Variants in P2RX5 observed in about 807,000 individuals in gnomAD.
P2RX5 encodes the protein purinergic receptor P2X 5, also known as P2X purinoceptor 5.
Under a neutral mutation model 54.1 loss-of-function variants are expected in P2RX5, and 46 were observed. The ratio of observed to expected loss-of-function variants is 0.85; its 90% CI spans 0.67 to 1.09. The LOEUF (loss-of-function observed/expected upper bound fraction) is 1.09. Ranked by LOEUF, P2RX5 falls within the 50% of genes least tolerant of loss-of-function variation. The pLI is 0.00. For synonymous variants in P2RX5, 226 were observed against 226.4 expected, an observed-to-expected ratio of 1.00 and a Z score of 0.02; for missense variants, 566 against 549.8, an observed-to-expected ratio of 1.03 and a Z score of -0.29.
chr17:3,723,834 A>G, the P2RX5 span: 115 of 1,549,710 alleles, frequency 7.4e-5, no homozygotes, highest in African/African-American at 1.3e-3. Flanking sequence ...CGAGGTGCGC[A>G]TGCGCAGGGC....
chr17:3,723,520 G>C, the P2RX5 span: 408 of 1,001,148 alleles, frequency 4.1e-4, 8 homozygotes, highest in South Asian at 5.4e-3. Flanking sequence ...CTCGGCCCAA[G>C]CGAAGCTCCA....
At chr17:3,702,245 T>G in the P2RX5 span, among the ~76,000 whole-genome samples, 1 of 61,174 alleles carries the variant, frequency 1.6e-5, no homozygotes, top group Admixed American at 1.5e-4. Context: ...TGTGTCTAGC[T>G]AAAGGATTGT....
At chr17:3,688,228 G>A in intron 8 of P2RX5, 123 bp from the exon 9 acceptor site, 1 of 700,884 alleles carries the variant, frequency 1.4e-6, no homozygotes, top group East Asian at 2.7e-5. Flanking sequence ...AGCAGCCCCA[G>A]GAGTGGCTTG....
intron 1 of P2RX5, among the ~76,000 whole-genome samples, chr17:3,693,539 C>T (rs2050675552): frequency 6.6e-6 from 1 of 152,058 alleles, no homozygotes; most frequent in African/African-American, 2.4e-5. Flanking sequence ...AGTTCGAGGC[C>T]AGCCTGACCA....
the P2RX5 span, among the ~76,000 whole-genome samples, chr17:3,713,362 T>C: frequency 2.6e-5 from 4 of 151,892 alleles, no homozygotes; most frequent in Admixed American, 2.6e-4. Flanking sequence ...CCCCCCAAAA[T>C]AAATAAACAA....
intron 10 of P2RX5, 59 bp from the exon 11 acceptor site, chr17:3,679,843 ACGGGCGGAGTGGG>A: frequency 6.8e-7 from 1 of 1,474,664 alleles, no homozygotes; most frequent in Non-Finnish European, 9.4e-7. Context: ...CCCCTCCTAG[ACGGGCGGAGTGGG>A]CCTTGAAGAA....
the P2RX5 span, among the ~76,000 whole-genome samples, chr17:3,707,884 C>G: frequency 2.0e-5 from 3 of 152,018 alleles, no homozygotes; most frequent in Admixed American, 2.0e-4. Flanking sequence ...CGGTGAAACC[C>G]TGTCTCTACT....
chr17:3,702,385 G>A, the P2RX5 span, among the ~76,000 whole-genome samples: 65 of 152,066 alleles, frequency 4.3e-4, no homozygotes, highest in African/African-American at 1.0e-3. Context: ...ACCAATCAGC[G>A]CTCTATAAAA....
At chr17:3,690,334 G>T in intron 5 of P2RX5, 93 bp downstream of exon 5, 1 of 1,175,330 alleles carries the variant, frequency 8.5e-7, no homozygotes. Flanking sequence ...CTCAGCGTGA[G>T]GCTCCCAGAG....
the P2RX5 span, among the ~76,000 whole-genome samples, chr17:3,713,649 C>G: frequency 6.6e-6 from 1 of 151,390 alleles, no homozygotes; most frequent in Non-Finnish European, 1.5e-5. Context: ...ACTCAGGAGG[C>G]TGAGGCAGGA....
chr17:3,673,676 C>G lies in P2RX5; in HGVS notation c.*192G>C, dbSNP rs776889136. 2 of 1,504,498 alleles carry G rather than the reference C, an allele frequency of 1.3e-6. No individual in the cohort carries two copies. The highest frequency in any genetic ancestry group is 2.1e-5 in the Admixed American group (1 of 47,880). The allele number at this position is 1,504,498 out of a possible 1,614,324, so 93.2% of individuals were successfully genotyped here. ...GGCAAAAAGACAGCCATGATGGGTC[C>G]GTCCTGATGACCCCAGCATCAGACG... On this transcript the variant is annotated 3_prime_UTR_variant, in exon 12 of 12. Coordinates refer to ENST00000225328, the MANE Select transcript of P2RX5 (RefSeq NM_002561.4).
At chr17:3,690,213 T>G (rs1450599813) in intron 5 of P2RX5, 63 bp from the exon 6 acceptor site, 14 of 1,468,606 alleles carry the variant, frequency 9.5e-6, no homozygotes, top group African/African-American at 1.4e-5. Context: ...CCCCCAGGCC[T>G]GGGCCAGTGT....
chr17:3,718,255 G>A, the P2RX5 span: 4 of 152,240 alleles, frequency 2.6e-5, no homozygotes, highest in Non-Finnish European at 5.9e-5. Flanking sequence ...ATGTCTCCTG[G>A]GAGCTTTTGG....
the P2RX5 span, chr17:3,715,056 T>G: frequency 1.6e-6 from 1 of 638,608 alleles, no homozygotes; most frequent in East Asian, 2.7e-5. Flanking sequence ...CTTCTCATAC[T>G]TACTACTCCC....
intron 6 of P2RX5, among the ~76,000 whole-genome samples, chr17:3,689,856 A>G (rs1297601394): frequency 6.6e-6 from 1 of 151,886 alleles, no homozygotes; most frequent in Non-Finnish European, 1.5e-5. Context: ...ACACGCGTGC[A>G]CGCACGCACA....
the P2RX5 span, among the ~76,000 whole-genome samples, chr17:3,705,992 G>A: frequency 3.5e-4 from 53 of 151,202 alleles, no homozygotes; most frequent in African/African-American, 1.2e-3. Context: ...GTCTCACTCT[G>A]TCGGCAGGCT....
intron 2 of P2RX5, 146 bp from the exon 3 acceptor site, chr17:3,691,173 C>G: frequency 3.0e-6 from 2 of 674,408 alleles, no homozygotes; most frequent in South Asian, 3.3e-5. Context: ...TGCCCATCTG[C>G]TCATGGACCC....
At chr17:3,712,734 G>A in the P2RX5 span, among the ~76,000 whole-genome samples, 62 of 152,272 alleles carry the variant, frequency 4.1e-4, no homozygotes, top group African/African-American at 1.4e-3. Context: ...ATCACCTGAG[G>A]TCAGGAGTTC....
chr17:3,688,376 C>T lies in P2RX5; in HGVS notation c.887+250G>A, dbSNP rs147558498. Among the ~76,000 whole-genome samples, 141 of 152,302 alleles carry T rather than the reference C, an allele frequency of 9.3e-4. 1 individual carries two copies. The highest frequency in any genetic ancestry group is 3.0e-3 in the African/African-American group (125 of 41,560). On this transcript the variant is annotated intron_variant, in intron 8 of 11. Coordinates refer to ENST00000225328, the MANE Select transcript of P2RX5 (RefSeq NM_002561.4). ...CGCCAAAGCGCGGATGGAAAGGATG[C>T]GGCAGAGGCCGCAAGACTCGGCTTC...
Sources: allele counts gnomAD v4.1 joint callset (sites outside exome capture counted in the v4.1 genomes callset), GRCh38; gene constraint gnomAD v4.1.1; transcripts MANE v1.5; gene names NCBI Gene and HGNC (gene_info 2026-07-23, HGNC 2026-07-21).